VWF: variants seen among roughly 807,000 people sequenced by gnomAD.
The protein encoded by VWF is von Willebrand factor.
In VWF, 176 loss-of-function variants were observed where a neutral mutation model predicts 308.6. The ratio of observed to expected loss-of-function variants is 0.57; its 90% CI spans 0.50 to 0.65. VWF has a LOEUF of 0.65. Ranked by LOEUF, VWF falls within the 30% of genes least tolerant of loss-of-function variation. The pLI is 0.00. For synonymous variants in VWF, 1,385 were observed against 1,443.4 expected (o/e 0.96, Z 0.92); for missense variants, 3,146 against 3,648.2 (o/e 0.86, Z 3.55).
intron 6 of VWF, among the ~76,000 whole-genome samples, chr12:6,094,078 G>A (rs572475664): frequency 6.6e-6 from 1 of 152,316 alleles, no homozygotes; most frequent in South Asian, 2.1e-4. Context: ...CAAAGACAGG[G>A]AATGCCGCTG....
intron 13 of VWF, among the ~76,000 whole-genome samples, chr12:6,059,497 C>A (rs755847725): frequency 2.0e-5 from 3 of 152,128 alleles, no homozygotes; most frequent in African/African-American, 4.8e-5. Flanking sequence ...TATTGATTGC[C>A]CACAGTTCTG....
chr12:6,108,332 TATACACAC>T (rs1945266734), intron 5 of VWF, among the ~76,000 whole-genome samples: 1 of 49,010 alleles, frequency 2.0e-5, no homozygotes, highest in African/African-American at 5.6e-5. Context: ...GAAAGAAATA[TATACACAC>T]ACACACACAC....
intron 43 of VWF, among the ~76,000 whole-genome samples, chr12:5,973,990 C>T (rs1225911321): frequency 6.6e-6 from 1 of 152,180 alleles, no homozygotes; most frequent in Admixed American, 6.5e-5. Flanking sequence ...CACCATTCCT[C>T]TGACACGAAG....
In VWF at chr12:6,056,985, C is replaced by T. The variant is rs200586078; in HGVS notation, c.1817G>A (p.Arg606Gln). 346 of 1,545,114 alleles carry T rather than the reference C, an allele frequency of 2.2e-4. 1 individual carries two copies. In the African/African-American group the frequency reaches 4.0e-3, roughly 18 times the overall value. ...GGAGCACACGTCGTAGCGGCAGTTC[C>T]GCAGGTAGGGCAGCGGGCTGACGGC... ...HRAVSPLPYL[R>Q]NCRYDVCSCS... is the part of the protein sequence containing the mutation. Residue 606 changes from arginine to glutamine, a missense_variant, in exon 15 of 52, where the codon CGG becomes CAG. Physicochemically the swap from Arg to Gln is conservative, Grantham distance 43. This residue lies in a region of VWF where 1,304 missense variants were observed against 1,353.0 expected (regional missense o/e 0.96). Coordinates refer to ENST00000261405, the MANE Select transcript of VWF (RefSeq NM_000552.5).
At chr12:6,101,611 T>A (rs1200501608) in intron 5 of VWF, among the ~76,000 whole-genome samples, 1 of 151,502 alleles carries the variant, frequency 6.6e-6, no homozygotes. Context: ...CCCGTCTCTA[T>A]TAAAAATACA....
intron 6 of VWF, among the ~76,000 whole-genome samples, chr12:6,078,351 T>C (rs1202809715): frequency 1.3e-5 from 2 of 152,160 alleles, no homozygotes; most frequent in Non-Finnish European, 2.9e-5. Flanking sequence ...TTCTTTGCAA[T>C]AGGCAGAACT....
At chr12:5,968,741 G>A (rs769080) in intron 45 of VWF, among the ~76,000 whole-genome samples, 103,614 of 152,134 alleles carry the variant, frequency 0.68, 36,991 homozygotes, top group African/African-American at 0.88. Flanking sequence ...GTTGCAGTGA[G>A]CCAAAATAGT....
chr12:6,021,815 T>C, intron 27 of VWF, 85 bp downstream of exon 27: 2 of 1,574,584 alleles, frequency 1.3e-6, no homozygotes, highest in Middle Eastern at 1.8e-4. Flanking sequence ...TGGCTAGGAC[T>C]TTTTACCCAA....
At chr12:6,087,090 A>T (rs1176648416) in intron 6 of VWF, among the ~76,000 whole-genome samples, 1 of 152,154 alleles carries the variant, frequency 6.6e-6, no homozygotes, top group Non-Finnish European at 1.5e-5. Context: ...CCAAATTCAG[A>T]GACCAGTGGA....
chr12:6,038,894 A>C (rs1316167101), intron 18 of VWF, among the ~76,000 whole-genome samples: 2 of 152,232 alleles, frequency 1.3e-5, no homozygotes, highest in Admixed American at 6.5e-5. Context: ...GGGAGAGAAG[A>C]GCAGGTAACA....
At chr12:5,993,106 G>C (rs1943763442) in intron 37 of VWF, among the ~76,000 whole-genome samples, 2 of 152,168 alleles carry the variant, frequency 1.3e-5, no homozygotes, top group Admixed American at 1.3e-4. Context: ...GCTCAGAGCT[G>C]CTGACAGTTC....
chr12:6,058,409 C>T lies in VWF; in HGVS notation c.1534-365G>A, dbSNP rs1056910232. Among the ~76,000 whole-genome samples the T allele has an allele frequency of 6.6e-6, 1 of 152,156 alleles. No homozygotes were observed. The highest frequency in any genetic ancestry group is 1.5e-5 in the Non-Finnish European group (1 of 68,026). The stretch of plus-strand genomic sequence containing the variant: ...GTGAGTAGGCAGGTTGAGCCCAGCC[C>T]GAAGCACTCTGCCCTCTGTGCCATC... On this transcript the variant is annotated intron_variant, in intron 13 of 51. Coordinates refer to ENST00000261405, the MANE Select transcript of VWF (RefSeq NM_000552.5). This position sits in a 1 kb window ranked among gnomAD's most constrained non-coding sequence, Gnocchi z 4.9.
chr12:6,013,588 A>G lies in VWF; in HGVS notation c.5513T>C (p.Ile1838Thr), dbSNP rs575249185. 6.2e-7 allele frequency: 1 copy of G among 1,613,942 alleles called. No individual in the cohort carries two copies. The highest frequency in any genetic ancestry group is 1.3e-5 in the African/African-American group (1 of 75,034). ...GGAGTCGCCTGCTGGGCCTGCCAAG[A>G]TCCGTAGCTGGGCTGCATCGTAGCG... ...GDRYDAAQLRILAGPAGDSNV... is the reference protein window; with the variant it reads ...GDRYDAAQLRTLAGPAGDSNV... The change falls in exon 32 of 52, where the codon ATC (isoleucine) becomes ACC (threonine). Residue 1838 changes from isoleucine (I) to threonine (T), a missense_variant. Ile to Thr is a moderately conservative substitution (Grantham distance 89). Transcript: ENST00000261405.
chr12:5,953,654 A>C (rs898468670), intron 47 of VWF, 60 bp from the exon 48 acceptor site: 178 of 1,417,852 alleles, frequency 1.3e-4, no homozygotes, highest in African/African-American at 2.1e-4. Flanking sequence ...CCCAATTGTA[A>C]GTAGGCTGAT....
intron 1 of VWF, among the ~76,000 whole-genome samples, chr12:6,123,668 CCT>C (rs1180103952): frequency 1.3e-5 from 2 of 152,206 alleles, no homozygotes; most frequent in African/African-American, 4.8e-5. Flanking sequence ...CTTGTTGGCC[CCT>C]GACTCTGTAC....
intron 20 of VWF, among the ~76,000 whole-genome samples, chr12:6,033,015 T>TACACCC (rs71768543): frequency 0.22 from 31,001 of 141,954 alleles, 3,413 homozygotes; most frequent in Non-Finnish European, 0.25. Context: ...CGCACATGCA[T>TACACCC]ACACCCACAC....
intron 10 of VWF, among the ~76,000 whole-genome samples, chr12:6,068,028 G>A (rs1420731598): frequency 1.1e-4 from 16 of 151,616 alleles, no homozygotes; most frequent in South Asian, 1.0e-3. Flanking sequence ...CCAGCTACTC[G>A]GGAGGCTGAG....
In VWF at chr12:6,003,137, A is replaced by G. The variant is rs190360449; in HGVS notation, c.5843-6915T>C. On this transcript the variant is annotated intron_variant, in intron 34 of 51. Coordinates refer to ENST00000261405, the MANE Select transcript of VWF (RefSeq NM_000552.5). Reference sequence around the variant, plus strand: ...AGAAAATGATGTATGAACCGAATGGAAATTTCAATAAAGAAATTGAAATCA... The same window carrying G: ...AGAAAATGATGTATGAACCGAATGGGAATTTCAATAAAGAAATTGAAATCA... Among the ~76,000 whole-genome samples the G allele has an allele frequency of 1.3e-3, 199 of 152,390 alleles. 3 individuals carry two copies. The highest frequency in any genetic ancestry group is 4.4e-3 in the African/African-American group (183 of 41,588).
At chr12:6,053,316 C>T (rs1944540274) in intron 15 of VWF, among the ~76,000 whole-genome samples, 1 of 152,172 alleles carries the variant, frequency 6.6e-6, no homozygotes, top group Non-Finnish European at 1.5e-5. Context: ...CTCTCATCAC[C>T]CCCTTTCAAG....
Sources: allele counts gnomAD v4.1 joint callset (sites outside exome capture counted in the v4.1 genomes callset), GRCh38; gene constraint gnomAD v4.1.1; regional missense constraint gnomAD v4.1.1; non-coding constraint Gnocchi (gnomAD v3.1); transcripts MANE v1.5; gene names NCBI Gene and HGNC (gene_info 2026-07-23, HGNC 2026-07-21).